The following PHF2 variants were observed in gnomAD, a reference collection of about 807,000 sequenced individuals.
PHF2 encodes the protein PHD finger protein 2, also known as lysine-specific demethylase PHF2.
A neutral mutation model predicts 120.5 loss-of-function variants in PHF2; 27 were observed. That is an observed-to-expected ratio of 0.22 (90% CI 0.17 to 0.31). The LOEUF (loss-of-function observed/expected upper bound fraction) is 0.31. PHF2 is among the 10% of genes least tolerant of loss of function. The probability of loss-of-function intolerance (pLI) is 1.00; values close to 1 mark genes in which losing one functional copy is unlikely to be tolerated. For synonymous variants in PHF2, 568 were observed against 592.5 expected (o/e 0.96, Z 0.60); for missense variants, 1,024 against 1,434.8 (o/e 0.71, Z 4.63).
chr9:93,604,791 A>G (rs1292724690), intron 1 of PHF2, among the ~76,000 whole-genome samples: 2 of 152,000 alleles, frequency 1.3e-5, no homozygotes, highest in Non-Finnish European at 2.9e-5. Flanking sequence ...TTGCATGCCC[A>G]TTGTTATTTT....
intron 14 of PHF2, among the ~76,000 whole-genome samples, chr9:93,664,385 G>A (rs779743989): frequency 3.3e-5 from 5 of 152,210 alleles, no homozygotes; most frequent in Admixed American, 6.5e-5. Context: ...TGGTTCCAGC[G>A]GCAACACTTG....
chr9:93,610,168 C>T (rs1231244439), intron 1 of PHF2, among the ~76,000 whole-genome samples: 1 of 152,044 alleles, frequency 6.6e-6, no homozygotes, highest in East Asian at 1.9e-4. Context: ...AAATCCTCAG[C>T]TGTTATTATT....
intron 14 of PHF2, among the ~76,000 whole-genome samples, chr9:93,664,062 T>C (rs10761254): frequency 0.61 from 93,423 of 152,100 alleles, 29,132 homozygotes; most frequent in Non-Finnish European, 0.66. Context: ...GCCCCCCAGG[T>C]AGGGAGGGAG....
intron 12 of PHF2, among the ~76,000 whole-genome samples, chr9:93,662,672 G>A (rs1261318797): frequency 1.3e-5 from 2 of 151,060 alleles, no homozygotes; most frequent in Non-Finnish European, 3.0e-5. Flanking sequence ...GGATGAATGG[G>A]TTGGCAGATG....
At chr9:93,582,703 A>G (rs1179823053) in intron 1 of PHF2, among the ~76,000 whole-genome samples, 4 of 152,180 alleles carry the variant, frequency 2.6e-5, no homozygotes, top group Non-Finnish European at 5.9e-5. Context: ...AATTCTAGCC[A>G]GTGGTTTGGA....
At chr9:93,579,139 A>G (rs1278852733) in intron 1 of PHF2, among the ~76,000 whole-genome samples, 2 of 152,148 alleles carry the variant, frequency 1.3e-5, no homozygotes, top group East Asian at 3.9e-4. Flanking sequence ...GTCTCTCAGC[A>G]TCACTTTTCT....
Position 93,663,585 on chromosome 9 carries a change from AAACAAAGAC to A in PHF2, c.1890_1898del (p.Asp632_Lys634del), listed in dbSNP as rs1826619171. ...AGCTAGAGAAGTCGCCTCTAGCTGG[AAACAAAGAC>A]AATAAGTTCTCTTTTTCTTTCTCCA... On this transcript the variant is annotated inframe_deletion, in exon 14 of 22. Transcript: ENST00000359246. 2 of 1,613,630 alleles carry A rather than the reference AAACAAAGAC, an allele frequency of 1.2e-6. No homozygotes were observed. The highest frequency in any genetic ancestry group is 3.3e-5 in the Admixed American group (2 of 59,988).
rs761255225 is a variant in PHF2 at position 93,666,021 on chromosome 9, G to A, written c.2148G>A (p.Thr716=). Residue 716 remains threonine (T), a synonymous_variant, in exon 16 of 22, where the codon ACG becomes ACA. Transcript: ENST00000359246. ...FLLDKKAVLP[T]PVTKPKLDSA... ...TGGATAAGAAGGCTGTGCTGCCCAC[G>A]CCTGTCACGAAGCCAAAGCTGGACT... 4.0e-5 allele frequency: 64 copies of A among 1,613,254 alleles called. No homozygotes were observed. The highest frequency in any genetic ancestry group is 5.1e-5 in the Non-Finnish European group (60 of 1,179,766).
rs1215197077 is a variant in PHF2, at chr9:93,671,059, A to G, written c.2349-2526A>G. On this transcript the variant is annotated intron_variant, in intron 17 of 21. Coordinates refer to ENST00000359246, the MANE Select transcript of PHF2 (RefSeq NM_005392.4). Reference sequence around the variant, plus strand: ...GGTGTGGGGGTAGGTGCAGGTGTAGATGCAGGTGGGGGTGCAGGGTGGGGG... The same window carrying G: ...GGTGTGGGGGTAGGTGCAGGTGTAGGTGCAGGTGGGGGTGCAGGGTGGGGG... 6.5e-6 allele frequency: 6 copies of G among 928,058 alleles called. No individual in the cohort carries two copies. The East Asian group carries it at 8.9e-4, about 137-fold the overall frequency. The allele number at this position is 928,058 out of a possible 1,614,324, so 57.5% of individuals were successfully genotyped here.
At chr9:93,607,032 C>G (rs965607298) in intron 1 of PHF2, among the ~76,000 whole-genome samples, 1 of 152,176 alleles carries the variant, frequency 6.6e-6, no homozygotes, top group Admixed American at 6.5e-5. Flanking sequence ...GTTTCTGGCT[C>G]TGTATTCTGT....
chr9:93,596,922 C>A (rs185348158), intron 1 of PHF2, among the ~76,000 whole-genome samples: 6,709 of 132,386 alleles, frequency 0.051, 559 homozygotes, highest in African/African-American at 0.17. Context: ...GCACGCCCAG[C>A]TAATTTTTTT....
rs1445128577 is a variant in PHF2 at position 93,679,259 on chromosome 9, C to A, written c.*1583C>A. 1 of 455,906 alleles carries A rather than the reference C, an allele frequency of 2.2e-6. No homozygotes were observed. Among genetic ancestry groups the A allele is most frequent in the African/African-American group, 2.0e-5 (1 of 50,062 alleles). 28.2% of individuals were successfully genotyped at this position (455,906 alleles called of 1,614,324 possible). ...CCCACTTGTCCTGTTTGGAGGGACG[C>A]AGTCCCTAGGGCCCGAGACTGGGTG... On this transcript the variant is annotated 3_prime_UTR_variant, in exon 22 of 22. Coordinates refer to ENST00000359246, the MANE Select transcript of PHF2 (RefSeq NM_005392.4).
intron 1 of PHF2, among the ~76,000 whole-genome samples, chr9:93,600,107 G>A (rs967512225): frequency 1.3e-5 from 2 of 152,088 alleles, no homozygotes; most frequent in African/African-American, 4.8e-5. Flanking sequence ...TGGTCTGTAT[G>A]TGTGTAGTAT....
intron 3 of PHF2, among the ~76,000 whole-genome samples, chr9:93,641,153 T>C (rs1211783892): frequency 1.3e-5 from 2 of 152,318 alleles, no homozygotes; most frequent in Middle Eastern, 3.4e-3. Context: ...TCTCTCCTTA[T>C]CTGAGACAGG....
intron 1 of PHF2, among the ~76,000 whole-genome samples, chr9:93,593,104 A>G (rs6479497): frequency 0.047 from 885 of 18,920 alleles, 44 homozygotes; most frequent in African/African-American, 0.11. Context: ...AAAAAAAAAA[A>G]AAAAAAAGAA....
chr9:93,600,644 G>A (rs1825422573), intron 1 of PHF2, among the ~76,000 whole-genome samples: 1 of 152,232 alleles, frequency 6.6e-6, no homozygotes, highest in African/African-American at 2.4e-5. Flanking sequence ...TTGTGGGATG[G>A]TGGCCCTGGC....
intron 1 of PHF2, among the ~76,000 whole-genome samples, chr9:93,612,951 G>A (rs1157655568): frequency 6.6e-6 from 1 of 152,218 alleles, no homozygotes; most frequent in Non-Finnish European, 1.5e-5. Flanking sequence ...CCTTCACGTG[G>A]AGCGATGGTG....
chr9:93,578,308 G>A (rs1862871551), intron 1 of PHF2, among the ~76,000 whole-genome samples: 1 of 152,178 alleles, frequency 6.6e-6, no homozygotes, highest in South Asian at 2.1e-4. Context: ...TAGAGCAAGG[G>A]AGACTGAGTG....
At chr9:93,602,473 G>A (rs11791934) in intron 1 of PHF2, among the ~76,000 whole-genome samples, 53,889 of 151,642 alleles carry the variant, frequency 0.36, 9,938 homozygotes, top group Non-Finnish European at 0.4. Context: ...GGCTGGTCTC[G>A]AACTCCTGAG....
Sources: gnomAD v4.1 joint callset for allele counts (sites outside exome capture counted in the v4.1 genomes callset) on GRCh38, gnomAD v4.1.1 for gene constraint, MANE v1.5 for transcripts, NCBI Gene and HGNC (gene_info 2026-07-23, HGNC 2026-07-21) for gene names.